The following IMMP2L variants were observed in gnomAD, a reference collection of about 807,000 sequenced individuals.
The protein encoded by IMMP2L is mitochondrial inner membrane protease subunit 2.
In IMMP2L, 18 loss-of-function variants were observed where a neutral mutation model predicts 19.3. The observed-to-expected ratio is 0.93, with a 90% CI of 0.64 to 1.38. The LOEUF is 1.38. IMMP2L is among the 40% of genes most tolerant of loss of function. The pLI is 0.00. For synonymous variants in IMMP2L, 76 were observed against 73.0 expected (o/e 1.04, Z -0.21); for missense variants, 233 against 218.2 (o/e 1.07, Z -0.43).
In IMMP2L at chr7:110,766,038, C is replaced by A. The variant is rs939857538; in HGVS notation, c.409-102317G>T. Among the ~76,000 whole-genome samples, 38 of 152,122 alleles carry A rather than the reference C, an allele frequency of 2.5e-4. 1 individual carries two copies. Among genetic ancestry groups the A allele is most frequent in the Admixed American group, 1.8e-3 (28 of 15,274 alleles). ...GCATGTTACAGCAGAAATTCCGTAT[C>A]ATGTGGCTATAATTTATTGACCACG... On this transcript the variant is annotated intron_variant, in intron 5 of 5. Transcript: ENST00000405709.
Position 111,213,448 on chromosome 7 carries a change from G to T in IMMP2L, c.240-249883C>A. 6.6e-6 allele frequency among the ~76,000 whole-genome samples: 1 copy of T among 152,140 alleles called. No homozygotes were observed. The highest frequency in any genetic ancestry group is 6.5e-5 in the Admixed American group (1 of 15,288). ...GGCAGACGCGCTCCTGAGTGGAAGG[G>T]GGTGGGTCCCTAGCAAGGCCCCACC... On this transcript the variant is annotated intron_variant, in intron 3 of 5. Transcript: ENST00000405709. This position sits in a 1 kb window ranked among gnomAD's most constrained non-coding sequence, Gnocchi z 4.8.
At chr7:111,291,483 A>C (rs1215058169) in intron 3 of IMMP2L, among the ~76,000 whole-genome samples, 1 of 152,144 alleles carries the variant, frequency 6.6e-6, no homozygotes, top group African/African-American at 2.4e-5. Flanking sequence ...AAAGCATCTA[A>C]AAAAATGTTT....
chr7:111,243,127 G>C (rs1454362043), intron 3 of IMMP2L, among the ~76,000 whole-genome samples: 2 of 152,028 alleles, frequency 1.3e-5, no homozygotes, highest in South Asian at 2.1e-4. Context: ...TAGTTGTTTT[G>C]AGAAGAAACA....
chr7:111,426,522 G>A (rs540578598), intron 3 of IMMP2L, among the ~76,000 whole-genome samples: 3 of 151,116 alleles, frequency 2.0e-5, no homozygotes, highest in South Asian at 2.1e-4. Context: ...CCTAGACCAG[G>A]ATGCAAATAA....
intron 2 of IMMP2L, among the ~76,000 whole-genome samples, chr7:111,513,084 A>C (rs551307821): frequency 6.6e-6 from 1 of 152,252 alleles, no homozygotes; most frequent in East Asian, 1.9e-4. Context: ...CGACCCCAAA[A>C]GCACAAGCAA....
intron 5 of IMMP2L, among the ~76,000 whole-genome samples, chr7:110,884,634 G>T (rs893647366): frequency 6.6e-6 from 1 of 151,972 alleles, no homozygotes; most frequent in Non-Finnish European, 1.5e-5. Context: ...AATCATATCT[G>T]TGATGAGAGA....
intron 3 of IMMP2L, among the ~76,000 whole-genome samples, chr7:111,110,997 C>A (rs973632121): frequency 1.3e-5 from 2 of 151,900 alleles, no homozygotes; most frequent in Non-Finnish European, 2.9e-5. Flanking sequence ...AATATAAAAC[C>A]ATTTGCTTTT....
At chr7:110,686,905 A>G (rs1008045464) in intron 5 of IMMP2L, among the ~76,000 whole-genome samples, 13 of 151,988 alleles carry the variant, frequency 8.6e-5, no homozygotes, top group African/African-American at 2.4e-4. Context: ...ACACACTTCA[A>G]TCATTCTTCA....
intron 3 of IMMP2L, among the ~76,000 whole-genome samples, chr7:111,321,359 GA>G (rs1039471293): frequency 2.6e-5 from 4 of 151,842 alleles, no homozygotes; most frequent in Non-Finnish European, 5.9e-5. Flanking sequence ...ATTGCACACT[GA>G]TTAAATAAAT....
intron 3 of IMMP2L, among the ~76,000 whole-genome samples, chr7:111,223,285 G>A (rs1812722537): frequency 6.6e-6 from 1 of 151,912 alleles, no homozygotes; most frequent in African/African-American, 2.4e-5. Context: ...CTTTAAGAAA[G>A]GCAGAGCTAG....
chr7:111,041,017 A>C (rs983163718), intron 3 of IMMP2L, among the ~76,000 whole-genome samples: 1 of 152,074 alleles, frequency 6.6e-6, no homozygotes, highest in Non-Finnish European at 1.5e-5. Context: ...ACAAACATAC[A>C]ATATCAACAT....
At chr7:111,480,546 G>A (rs1489369493) in intron 3 of IMMP2L, among the ~76,000 whole-genome samples, 2 of 126,950 alleles carry the variant, frequency 1.6e-5, no homozygotes, top group African/African-American at 6.1e-5. Flanking sequence ...ATAATTGAAA[G>A]TACCAAAAAT....
At chr7:111,103,640 T>G (rs1304037900) in intron 3 of IMMP2L, among the ~76,000 whole-genome samples, 1 of 151,754 alleles carries the variant, frequency 6.6e-6, no homozygotes, top group Non-Finnish European at 1.5e-5. Flanking sequence ...AAGTTTAAGT[T>G]ACAGCAAATT....
At position 110,728,850 on chromosome 7, in the gene IMMP2L, C is replaced by T. The variant is rs919591189; in HGVS notation, c.409-65129G>A. ...AAAACTAGGACTTAAGGTCCTTGTCCATGGTAATACAAATAGTATATGGTA... is the reference window on the plus strand; with the variant it reads ...AAAACTAGGACTTAAGGTCCTTGTCTATGGTAATACAAATAGTATATGGTA... On this transcript the variant is annotated intron_variant, in intron 5 of 5. Coordinates refer to ENST00000405709, the MANE Select transcript of IMMP2L (RefSeq NM_032549.4). This position sits in a 1 kb window ranked among gnomAD's most constrained non-coding sequence, Gnocchi z 4.6. Among the ~76,000 whole-genome samples, 3 of 152,116 alleles carry T rather than the reference C, an allele frequency of 2.0e-5. No homozygotes were observed. The highest frequency in any genetic ancestry group is 7.2e-5 in the African/African-American group (3 of 41,414).
At chr7:111,255,675 C>T (rs904821576) in intron 3 of IMMP2L, among the ~76,000 whole-genome samples, 1 of 151,922 alleles carries the variant, frequency 6.6e-6, no homozygotes, top group African/African-American at 2.4e-5. Flanking sequence ...ACTGGGCCAT[C>T]CAGGATCTGA....
At chr7:111,478,747 C>T (rs1280748635) in intron 3 of IMMP2L, among the ~76,000 whole-genome samples, 1 of 152,036 alleles carries the variant, frequency 6.6e-6, no homozygotes, top group Non-Finnish European at 1.5e-5. Context: ...TTTAATAGTC[C>T]ATGTCTAATC....
chr7:110,675,221 T>C (rs560585278), intron 5 of IMMP2L, among the ~76,000 whole-genome samples: 7 of 152,286 alleles, frequency 4.6e-5, no homozygotes, highest in African/African-American at 1.7e-4. Flanking sequence ...TCATCAAAAG[T>C]GGTGACCCCT....
chr7:111,303,529 G>A (rs1042065445), intron 3 of IMMP2L, among the ~76,000 whole-genome samples: 4 of 152,024 alleles, frequency 2.6e-5, no homozygotes, highest in Non-Finnish European at 4.4e-5. Context: ...ACTATGCAAA[G>A]TTAGGGCATC....
chr7:111,220,738 T>G (rs1416611491), intron 3 of IMMP2L, among the ~76,000 whole-genome samples: 1 of 151,884 alleles, frequency 6.6e-6, no homozygotes, highest in Non-Finnish European at 1.5e-5. Flanking sequence ...ATTTTCCAAC[T>G]GAAAGCTGGA....
Sources: gnomAD v4.1 joint callset for allele counts (sites outside exome capture counted in the v4.1 genomes callset) on GRCh38, gnomAD v4.1.1 for gene constraint, Gnocchi (gnomAD v3.1) non-coding constraint, MANE v1.5 for transcripts, NCBI Gene and HGNC (gene_info 2026-07-23, HGNC 2026-07-21) for gene names.